The following OSTN variants were observed in gnomAD, a reference collection of about 807,000 sequenced individuals.
The protein encoded by OSTN is osteocrin.
Under a neutral mutation model 12.0 loss-of-function variants are expected in OSTN, and 9 were observed. The observed-to-expected ratio is 0.75, with a 90% CI of 0.45 to 1.30. OSTN has a LOEUF of 1.30. Among genes scored for constraint, OSTN ranks in the 50% most tolerant of loss-of-function variants. The probability of loss-of-function intolerance (pLI) is 0.00; values close to 1 mark genes in which losing one functional copy is unlikely to be tolerated. For missense variants in OSTN, 148 were observed against 152.3 expected (o/e 0.97, Z 0.15); for synonymous variants, 59 against 56.9 (o/e 1.04, Z -0.16).
At chr3:191,243,536 T>C (rs182274047) in intron 3 of OSTN, among the ~76,000 whole-genome samples, 124 of 152,162 alleles carry the variant, frequency 8.1e-4, no homozygotes, top group Non-Finnish European at 1.7e-3. Context: ...TGGAGAAAAA[T>C]TCATATATAA....
chr3:191,241,098 C>CT (rs1482658160), intron 3 of OSTN, among the ~76,000 whole-genome samples: 1 of 130,352 alleles, frequency 7.7e-6, no homozygotes, highest in African/African-American at 2.7e-5. Flanking sequence ...AAAGAACATT[C>CT]TTTTTTAGCT....
At chr3:191,224,750 TAAA>T (rs1334294930) in intron 3 of OSTN, among the ~76,000 whole-genome samples, 2 of 152,094 alleles carry the variant, frequency 1.3e-5, no homozygotes, top group African/African-American at 4.8e-5. Flanking sequence ...ACTATTTGGT[TAAA>T]GAAGAATACC....
chr3:191,225,144 T>A (rs368985312), intron 3 of OSTN, among the ~76,000 whole-genome samples: 2 of 152,048 alleles, frequency 1.3e-5, no homozygotes, highest in East Asian at 3.8e-4. Flanking sequence ...ATGGAAATAG[T>A]CATTACAAAA....
Position 191,262,345 on chromosome 3 carries a change from T to C in OSTN, c.*13-521T>C, listed in dbSNP as rs193030253. ...TGAAAATTTTTATTTTAGATTTATA[T>C]TGACATATATTGACATACCATCATT... On this transcript the variant is annotated intron_variant, in intron 4 of 4. Coordinates refer to ENST00000682035, the MANE Select transcript of OSTN (RefSeq NM_198184.2). Among the ~76,000 whole-genome samples the C allele has an allele frequency of 2.4e-3, 362 of 152,372 alleles. 1 individual carries two copies. Among genetic ancestry groups the C allele is most frequent in the African/African-American group, 8.3e-3 (344 of 41,596 alleles).
At chr3:191,232,301 C>G (rs1045882202) in intron 3 of OSTN, among the ~76,000 whole-genome samples, 1 of 137,828 alleles carries the variant, frequency 7.3e-6, no homozygotes, top group East Asian at 2.1e-4. Context: ...CCACAGCACT[C>G]CAGCCTGGGT....
chr3:191,236,277 T>C (rs1479531445), intron 3 of OSTN, among the ~76,000 whole-genome samples: 2 of 152,204 alleles, frequency 1.3e-5, no homozygotes, highest in African/African-American at 4.8e-5. Context: ...ATTTTAATAT[T>C]CTGGTACATT....
At chr3:191,203,952 A>G (rs2108587505) in intron 1 of OSTN, among the ~76,000 whole-genome samples, 1 of 152,274 alleles carries the variant, frequency 6.6e-6, no homozygotes, top group Middle Eastern at 3.4e-3. Flanking sequence ...CAATGGCGCA[A>G]TCTCGGCTCA....
intron 4 of OSTN, among the ~76,000 whole-genome samples, chr3:191,252,129 G>A (rs901520452): frequency 7.2e-5 from 11 of 151,994 alleles, no homozygotes; most frequent in South Asian, 4.1e-4. Flanking sequence ...GCGTGATCTC[G>A]GCTCACTGCA....
chr3:191,257,122 G>T (rs1035732044), intron 4 of OSTN, among the ~76,000 whole-genome samples: 1 of 143,534 alleles, frequency 7.0e-6, no homozygotes, highest in African/African-American at 2.6e-5. Context: ...AGAGGTCAAG[G>T]CTGCAACGAG....
intron 3 of OSTN, among the ~76,000 whole-genome samples, chr3:191,219,442 TC>T (rs1259053758): frequency 7.2e-5 from 11 of 152,224 alleles, no homozygotes; most frequent in Non-Finnish European, 1.6e-4. Flanking sequence ...TTCTGTTTCT[TC>T]CTATGTGACT....
At position 191,264,704 on chromosome 3, in the gene OSTN, G is replaced by A. The variant is rs1315481541; in HGVS notation, c.*1851G>A. The A allele has an allele frequency of 6.6e-6, 1 of 152,024 alleles. No homozygotes were observed. Among genetic ancestry groups the A allele is most frequent in the Non-Finnish European group, 1.5e-5 (1 of 67,946 alleles). The allele number at this position is 152,024 out of a possible 1,614,324, so 9.4% of individuals were successfully genotyped here. A position where few individuals can be genotyped will look rare whatever the true frequency, so the allele number is the denominator to read the frequency against. ...TAGAAATGTTTCCTATTGCTTAGAA[G>A]CTCTTTCTTTCCTTGTATGCACATT... On this transcript the variant is annotated 3_prime_UTR_variant, in exon 5 of 5. Transcript: ENST00000682035.
chr3:191,221,556 G>A (rs1018759623), intron 3 of OSTN, among the ~76,000 whole-genome samples: 3 of 152,114 alleles, frequency 2.0e-5, no homozygotes, highest in Non-Finnish European at 4.4e-5. Context: ...AATGCAAAGA[G>A]ATTGATAGCA....
intron 4 of OSTN, among the ~76,000 whole-genome samples, chr3:191,260,001 C>T (rs945496179): frequency 6.8e-6 from 1 of 147,718 alleles, no homozygotes; most frequent in Non-Finnish European, 1.5e-5. Context: ...ACTACAGGCA[C>T]ACACCATGCC....
intron 3 of OSTN, among the ~76,000 whole-genome samples, chr3:191,226,029 A>G (rs1432756252): frequency 6.6e-6 from 1 of 152,190 alleles, no homozygotes; most frequent in African/African-American, 2.4e-5. Flanking sequence ...AAATAAATAA[A>G]TAAGAAAATT....
intron 3 of OSTN, among the ~76,000 whole-genome samples, chr3:191,236,709 C>G (rs1378790461): frequency 6.6e-6 from 1 of 152,060 alleles, no homozygotes; most frequent in East Asian, 1.9e-4. Context: ...CTTAAGATAT[C>G]GTGACATCAG....
chr3:191,260,053 T>C (rs1286727507), intron 4 of OSTN, among the ~76,000 whole-genome samples: 1 of 151,858 alleles, frequency 6.6e-6, no homozygotes, highest in Non-Finnish European at 1.5e-5. Context: ...GGTTTCACCA[T>C]GTAGGCCAGG....
At chr3:191,234,406 T>C (rs1334220689) in intron 3 of OSTN, among the ~76,000 whole-genome samples, 1 of 151,762 alleles carries the variant, frequency 6.6e-6, no homozygotes, top group African/African-American at 2.4e-5. Flanking sequence ...TTGAGAAAAG[T>C]AGTGACTTGG....
rs1448227270 is a variant in OSTN, at chr3:191,263,886, C to A, written c.*1033C>A. On this transcript the variant is annotated 3_prime_UTR_variant, in exon 5 of 5. Coordinates refer to ENST00000682035, the MANE Select transcript of OSTN (RefSeq NM_198184.2). ...TAGAAAACTCAGTTCTCAGTAATAA[C>A]TATGATGTTACTGTAGCTTGGACAC... 6.6e-6 allele frequency: 1 copy of A among 152,104 alleles called. No homozygotes were observed. Among genetic ancestry groups the A allele is most frequent in the East Asian group, 1.9e-4 (1 of 5,202 alleles). 9.4% of individuals were successfully genotyped at this position (152,104 alleles called of 1,614,324 possible).
At chr3:191,222,794 G>A (rs769901559) in intron 3 of OSTN, among the ~76,000 whole-genome samples, 3 of 152,046 alleles carry the variant, frequency 2.0e-5, no homozygotes, top group Non-Finnish European at 4.4e-5. Context: ...CCAGTGGGAG[G>A]TAATTGAATC....
Sources: gnomAD v4.1 joint callset for allele counts (sites outside exome capture counted in the v4.1 genomes callset) on GRCh38, gnomAD v4.1.1 for gene constraint, MANE v1.5 for transcripts, NCBI Gene and HGNC (gene_info 2026-07-23, HGNC 2026-07-21) for gene names.